HDAC7: variants seen among roughly 807,000 people sequenced by gnomAD.
HDAC7 encodes histone deacetylase 7.
HDAC7 carries 26 observed loss-of-function variants against 115.5 expected under a neutral mutation model. The observed-to-expected ratio is 0.23, with a 90% confidence interval of 0.16 to 0.31. The LOEUF is 0.31. HDAC7 is among the 10% of genes least tolerant of loss of function. HDAC7 has a pLI of 1.00. For missense variants in HDAC7, 1,068 were observed against 1,329.0 expected (o/e 0.80, Z 3.05); for synonymous variants, 564 against 550.9 (o/e 1.02, Z -0.33).
At chr12:47,785,073 T>C (rs1943094045) in intron 24 of HDAC7, 2 of 552,948 alleles carry the variant, frequency 3.6e-6, no homozygotes, top group Non-Finnish European at 6.4e-6. Flanking sequence ...ACCAGGCCTT[T>C]TGGCAAACAA....
intron 2 of HDAC7, among the ~76,000 whole-genome samples, chr12:47,800,219 C>T (rs962808701): frequency 1.3e-5 from 2 of 152,144 alleles, no homozygotes; most frequent in African/African-American, 2.4e-5. Context: ...AACCGAGGCT[C>T]GGAGGTGAAG....
rs144355039 is a variant in HDAC7 at position 47,784,703 on chromosome 12, C to T, written c.2792-486G>A. 4.0e-3 allele frequency: 6,209 copies of T among 1,534,966 alleles called. 234 individuals are homozygous for T. In the African/African-American group the frequency reaches 0.075, roughly 19 times the overall value. The stretch of plus-strand genomic sequence containing the variant: ...AACATGGGAGAACTGACCATCACCA[C>T]GGCCGCTCTGCATGGGTGCCCAGGC... On this transcript the variant is annotated intron_variant, in intron 24 of 25. Transcript: ENST00000080059.
chr12:47,786,787 G>A, intron 21 of HDAC7, 84 bp from the exon 22 acceptor site: 1 of 1,033,130 alleles, frequency 9.7e-7, no homozygotes, highest in Non-Finnish European at 1.5e-6. Context: ...GGGGCACCCT[G>A]TTCTTAGGAC....
chr12:47,813,138 G>A lies in HDAC7; in HGVS notation c.19+6629C>T, dbSNP rs959597141. On this transcript the variant is annotated intron_variant, in intron 1 of 25. Coordinates refer to ENST00000080059, the MANE Select transcript of HDAC7 (RefSeq NM_015401.5). ...CCTCCACATTTGCTAACCGAAACAA[G>A]GCTGCTGCTATTTTTAACCCTCCAG... is the stretch of plus-strand genomic sequence containing the variant. 4 of 152,086 alleles carry A rather than the reference G, an allele frequency of 2.6e-5. No homozygotes were observed. In the East Asian group the frequency reaches 7.7e-4, roughly 29 times the overall value. The allele number at this position is 152,086 out of a possible 1,614,324, so 9.4% of individuals were successfully genotyped here. A position where few individuals can be genotyped will look rare whatever the true frequency, so the allele number is the denominator to read the frequency against.
At chr12:47,791,819 C>T in intron 14 of HDAC7, 52 bp downstream of exon 14, 2 of 1,577,314 alleles carry the variant, frequency 1.3e-6, no homozygotes, top group Non-Finnish European at 1.7e-6. Flanking sequence ...CCCCTCCCCT[C>T]CCATGACTCC....
Position 47,791,606 on chromosome 12 carries a change from A to T in HDAC7, c.1913T>A (p.Leu638Gln). 2 of 1,610,696 alleles carry T rather than the reference A, an allele frequency of 1.2e-6. No individual in the cohort carries two copies. The highest frequency in any genetic ancestry group is 2.2e-5 in the East Asian group (1 of 44,762). Residue 638 changes from leucine (L) to glutamine (Q), a missense_variant, in exon 15 of 26, where the codon CTG becomes CAG. Around this residue, in one of 6 missense-constraint regions of HDAC7, gnomAD observed 618 missense variants for 701.5 expected, o/e 0.88. Transcript: ENST00000080059. ...YGTNPLSRLK[L>Q]DNGKLAGLLA... ...ATTACCTGCCAGCTTCCCGTTGTCCAGTTTGAGGCGGCTGAGCGGGTTGGT... is the reference window on the plus strand; with the variant it reads ...ATTACCTGCCAGCTTCCCGTTGTCCTGTTTGAGGCGGCTGAGCGGGTTGGT...
In HDAC7 at chr12:47,785,464, G is replaced by T; in HGVS notation, c.2714C>A (p.Pro905His). 1 of 1,612,192 alleles carries T rather than the reference G, an allele frequency of 6.2e-7. No homozygotes were observed. Among genetic ancestry groups the T allele is most frequent in the Non-Finnish European group, 8.5e-7 (1 of 1,179,120 alleles). Residue 905 changes from proline (P) to histidine (H), a missense_variant, in exon 24 of 26, where the codon CCC becomes CAC. By Grantham distance (77) the Pro-to-His change is moderately conservative. Around this residue, in one of 6 missense-constraint regions of HDAC7, gnomAD observed 98 missense variants for 123.9 expected, o/e 0.79. Coordinates refer to ENST00000080059, the MANE Select transcript of HDAC7 (RefSeq NM_015401.5). ...CTGTTTCCAGCCTTCTTCTGAAAGG[G>T]GATCCACCTATAGAAAACAGTACAT... ...VAALLGNRVD[P>H]LSEEGWKQKP...
chr12:47,783,447 G>A lies in HDAC7; in HGVS notation c.*394C>T. ...TGAGGCCAAGTTCACATTTCTGTGTGGAGCCTGAGGCTGTGTGCAAAGTCT... is the reference window on the plus strand; with the variant it reads ...TGAGGCCAAGTTCACATTTCTGTGTAGAGCCTGAGGCTGTGTGCAAAGTCT... On this transcript the variant is annotated 3_prime_UTR_variant, in exon 26 of 26. Coordinates refer to ENST00000080059, the MANE Select transcript of HDAC7 (RefSeq NM_015401.5). 4.3e-6 allele frequency: 1 copy of A among 233,808 alleles called. No homozygotes were observed. The highest frequency in any genetic ancestry group is 8.7e-6 in the Non-Finnish European group (1 of 115,348). 14.5% of individuals were successfully genotyped at this position (233,808 alleles called of 1,614,324 possible).
Position 47,797,368 on chromosome 12 carries a change from T to G in HDAC7, c.577+16A>C. 1 of 1,586,274 alleles carries G rather than the reference T, an allele frequency of 6.3e-7. No individual in the cohort carries two copies. The highest frequency in any genetic ancestry group is 8.6e-7 in the Non-Finnish European group (1 of 1,162,072). Reference sequence around the variant, plus strand: ...CCTTCCTTTGCCTGAAAGGTCCGCCTGTTTGTTCAGCTCACCTGTCTTGCG... The same window carrying G: ...CCTTCCTTTGCCTGAAAGGTCCGCCGGTTTGTTCAGCTCACCTGTCTTGCG... On this transcript the variant is annotated intron_variant, in intron 6 of 25. Coordinates refer to ENST00000080059, the MANE Select transcript of HDAC7 (RefSeq NM_015401.5). The surrounding 1 kb of genome is among the most constrained non-coding windows in gnomAD (Gnocchi z 5.5).
intron 12 of HDAC7, among the ~76,000 whole-genome samples, 197 bp downstream of exon 12, chr12:47,794,563 G>C (rs906660778): frequency 2.6e-5 from 4 of 152,246 alleles, no homozygotes; most frequent in African/African-American, 9.6e-5. Flanking sequence ...GTATGTGTGT[G>C]TATGGGTGTG....
chr12:47,795,176 C>T lies in HDAC7; in HGVS notation c.1284+8G>A. 1.2e-6 allele frequency: 2 copies of T among 1,609,348 alleles called. No individual in the cohort carries two copies. Among genetic ancestry groups the T allele is most frequent in the South Asian group, 1.1e-5 (1 of 90,640 alleles). ...CCCTCAATACCTCCACTGCCCAATT[C>T]CTCTCACCTTGATCACCTGGACGTG... On this transcript the variant is annotated splice_region_variant and intron_variant, in intron 11 of 25. Transcript: ENST00000080059. This position sits in a 1 kb window ranked among gnomAD's most constrained non-coding sequence, Gnocchi z 4.3.
Position 47,803,962 on chromosome 12 carries a change from C to T in HDAC7, c.20-1688G>A, listed in dbSNP as rs1944281586. ...GACTGTGTCAGGCTGAGTCCCCTGC[C>T]TCCTGGGAATTCTGTCCCACCTCCC... On this transcript the variant is annotated intron_variant, in intron 1 of 25. Transcript: ENST00000080059. The surrounding 1 kb of genome is among the most constrained non-coding windows in gnomAD (Gnocchi z 4.0). 6.6e-6 allele frequency among the ~76,000 whole-genome samples: 1 copy of T among 152,168 alleles called. No homozygotes were observed. The highest frequency in any genetic ancestry group is 1.5e-5 in the Non-Finnish European group (1 of 68,024).
chr12:47,791,809 C>CCCCCCCCCCCCCCCTGA, intron 14 of HDAC7, 62 bp downstream of exon 14: 1 of 1,533,818 alleles, frequency 6.5e-7, no homozygotes, highest in Non-Finnish European at 8.8e-7. Context: ...GGGCCCCCCA[C>CCCCCCCCCCCCCCCTGA]CCCTCCCCTC....
rs1942945030 is a variant in HDAC7 at position 47,782,939 on chromosome 12, T to G, written c.*902A>C. 1 of 152,944 alleles carries G rather than the reference T, an allele frequency of 6.5e-6. No individual in the cohort carries two copies. Among genetic ancestry groups the G allele is most frequent in the African/African-American group, 2.4e-5 (1 of 41,390 alleles). 9.5% of individuals were successfully genotyped at this position (152,944 alleles called of 1,614,324 possible). On this transcript the variant is annotated 3_prime_UTR_variant, in exon 26 of 26. Coordinates refer to ENST00000080059, the MANE Select transcript of HDAC7 (RefSeq NM_015401.5). ...CTGGACCCCCAAAAGCCTTGAAGAC[T>G]TTGCCAGAGCAGCCTCCCCTCCTCC...
intron 2 of HDAC7, among the ~76,000 whole-genome samples, chr12:47,800,915 TG>T (rs1944136125): frequency 6.6e-6 from 1 of 152,238 alleles, no homozygotes. Flanking sequence ...CTCCACAATC[TG>T]GTCCTAACTT....
chr12:47,795,844 A>T lies in HDAC7; in HGVS notation c.906+62T>A. ...ATGAAGATGATGGGGTGAGGCAGCA[A>T]GAAAAGGGAGTGAAAGAAGCTGGGG... is the stretch of plus-strand genomic sequence containing the variant. On this transcript the variant is annotated intron_variant, in intron 9 of 25. Coordinates refer to ENST00000080059, the MANE Select transcript of HDAC7 (RefSeq NM_015401.5). This position sits in a 1 kb window ranked among gnomAD's most constrained non-coding sequence, Gnocchi z 4.3. 7.6e-7 allele frequency: 1 copy of T among 1,313,118 alleles called. No individual in the cohort carries two copies. The highest frequency in any genetic ancestry group is 2.0e-4 in the Middle Eastern group (1 of 5,126). The allele number at this position is 1,313,118 out of a possible 1,614,324, so 81.3% of individuals were successfully genotyped here.
In HDAC7 at chr12:47,783,914, T is replaced by C. The variant is rs780747985; in HGVS notation, c.2931-28A>G. 3.1e-6 allele frequency: 5 copies of C among 1,613,054 alleles called. No individual in the cohort carries two copies. The Admixed American group carries it at 5.0e-5, about 16-fold the overall frequency. On this transcript the variant is annotated intron_variant, in intron 25 of 25. Transcript: ENST00000080059. ...GTGGGGAGGGACAAGGGTGGGATGC[T>C]GGAGCACCAGGGCTGCAGCAAGGGC...
chr12:47,799,312 T>C (rs758873290), intron 2 of HDAC7, among the ~76,000 whole-genome samples: 6 of 152,076 alleles, frequency 3.9e-5, no homozygotes, highest in South Asian at 2.1e-4. Context: ...GGGCTGCAGA[T>C]CCTATGGTAG....
intron 15 of HDAC7, 96 bp from the exon 16 acceptor site, chr12:47,791,404 TG>T: frequency 1.4e-6 from 2 of 1,404,000 alleles, no homozygotes; most frequent in South Asian, 2.8e-5. Flanking sequence ...GGGTGAGTAT[TG>T]GGGGAGAGAA....
Sources: gnomAD v4.1 joint callset for allele counts (sites outside exome capture counted in the v4.1 genomes callset) on GRCh38, gnomAD v4.1.1 for gene constraint, gnomAD v4.1.1 regional missense constraint, Gnocchi (gnomAD v3.1) non-coding constraint, MANE v1.5 for transcripts, NCBI Gene and HGNC (gene_info 2026-07-23, HGNC 2026-07-21) for gene names.